The following ETFA variants were observed in gnomAD, a reference collection of about 807,000 sequenced individuals.
ETFA encodes the protein electron transfer flavoprotein subunit alpha, also known as electron transfer flavoprotein subunit alpha, mitochondrial.
ETFA carries 22 observed loss-of-function variants against 46.2 expected under a neutral mutation model. That is an observed-to-expected ratio of 0.48 (90% CI 0.34 to 0.68). ETFA has a LOEUF of 0.68. Among genes scored for constraint, ETFA ranks in the 30% least tolerant of loss-of-function variants. The pLI is 0.01. For synonymous variants in ETFA, 131 were observed against 139.9 expected, an observed-to-expected ratio of 0.94 and a Z score of 0.45; for missense variants, 345 against 401.1, an observed-to-expected ratio of 0.86 and a Z score of 1.19.
intron 9 of ETFA, among the ~76,000 whole-genome samples, chr15:76,235,487 C>T (rs2039113560): frequency 6.6e-6 from 1 of 152,130 alleles, no homozygotes; most frequent in African/African-American, 2.4e-5. Context: ...TACTGGGTGG[C>T]CAGAATCCCC....
intron 9 of ETFA, among the ~76,000 whole-genome samples, chr15:76,272,530 G>T (rs1283148972): frequency 1.3e-5 from 2 of 151,878 alleles, no homozygotes; most frequent in Non-Finnish European, 2.9e-5. Flanking sequence ...TGAATTTCTT[G>T]TAGACATATT....
chr15:76,291,651 G>T (rs1221869827), intron 4 of ETFA, among the ~76,000 whole-genome samples: 1 of 151,916 alleles, frequency 6.6e-6, no homozygotes, highest in Non-Finnish European at 1.5e-5. Context: ...TCGGGAGGCT[G>T]AGGCAGGAGA....
Position 76,272,813 on chromosome 15 carries a change from C to CACATATAT in ETFA, c.816+1598_816+1599insATATATGT, listed in dbSNP as rs1555457982. 2.3e-4 allele frequency among the ~76,000 whole-genome samples: 32 copies of CACATATAT among 137,596 alleles called. No homozygotes were observed. In the South Asian group the frequency reaches 6.7e-3, roughly 29 times the overall value. The allele number at this position is 137,596 out of a possible 152,430, so 90.3% of individuals were successfully genotyped here. On this transcript the variant is annotated intron_variant, in intron 9 of 11. Coordinates refer to ENST00000557943, the MANE Select transcript of ETFA (RefSeq NM_000126.4). ...AAGACCCTGTCTCTTAAAATATATACATATATATATATATATATGCGCATG... is the reference window on the plus strand; with the variant it reads ...AAGACCCTGTCTCTTAAAATATATACACATATATATATATATATATATATATGCGCATG...
intron 1 of ETFA, among the ~76,000 whole-genome samples, chr15:76,305,085 ATTACT>A (rs2039927539): frequency 6.6e-6 from 1 of 152,132 alleles, no homozygotes; most frequent in African/African-American, 2.4e-5. Context: ...CCTCCGCTCT[ATTACT>A]TTATCACTCA....
intron 1 of ETFA, among the ~76,000 whole-genome samples, chr15:76,303,831 T>C (rs971060805): frequency 2.6e-5 from 4 of 152,234 alleles, no homozygotes; most frequent in Admixed American, 6.5e-5. Flanking sequence ...AAAGGAACGC[T>C]TATATACTGC....
chr15:76,261,169 A>T (rs2039408110), intron 9 of ETFA: 2 of 1,533,202 alleles, frequency 1.3e-6, no homozygotes, highest in African/African-American at 2.7e-5. Flanking sequence ...AGGTCCCCCG[A>T]TCTTCGTAGT....
intron 9 of ETFA, among the ~76,000 whole-genome samples, chr15:76,250,701 T>A (rs927775605): frequency 1.4e-5 from 2 of 142,744 alleles, no homozygotes; most frequent in Non-Finnish European, 3.1e-5. Context: ...CCCAACTAAA[T>A]TTTTTTTTTT....
At chr15:76,269,837 T>C (rs2039510375) in intron 9 of ETFA, among the ~76,000 whole-genome samples, 1 of 152,230 alleles carries the variant, frequency 6.6e-6, no homozygotes, top group Non-Finnish European at 1.5e-5. Context: ...GAGAAAATAT[T>C]TGTAAAACCC....
chr15:76,238,669 T>C (rs1322448235), intron 9 of ETFA, among the ~76,000 whole-genome samples: 1 of 152,254 alleles, frequency 6.6e-6, no homozygotes, highest in Non-Finnish European at 1.5e-5. Context: ...ATAATGAATG[T>C]GTCTTTGGGA....
chr15:76,302,874 T>C (rs577294179), intron 1 of ETFA, among the ~76,000 whole-genome samples: 1 of 152,296 alleles, frequency 6.6e-6, no homozygotes, highest in South Asian at 2.1e-4. Flanking sequence ...AGAGACAGTG[T>C]CTTTCTATGT....
intron 9 of ETFA, chr15:76,260,027 C>T: frequency 1.4e-6 from 2 of 1,480,744 alleles, no homozygotes; most frequent in Non-Finnish European, 9.4e-7. Flanking sequence ...TCTTCAATGT[C>T]ACTTGAGGCA....
At chr15:76,296,547 T>C (rs1313545167) in intron 1 of ETFA, among the ~76,000 whole-genome samples, 1 of 152,198 alleles carries the variant, frequency 6.6e-6, no homozygotes, top group Non-Finnish European at 1.5e-5. Context: ...TCAGTCAAAA[T>C]GCATTCAATA....
chr15:76,309,133 C>T lies in ETFA; in HGVS notation c.39+2217G>A, dbSNP rs118083498. 3.3e-3 allele frequency among the ~76,000 whole-genome samples: 510 copies of T among 152,278 alleles called. 4 individuals carry two copies. The highest frequency in any genetic ancestry group is 0.016 in the South Asian group (78 of 4,818). ...TTTTATGCTAGAAATCCAAATCTCT[C>T]CAACATTCTTAATGACTTTAAAACA... On this transcript the variant is annotated intron_variant, in intron 1 of 11. Transcript: ENST00000557943.
chr15:76,249,472 C>T (rs1445563865), intron 9 of ETFA, among the ~76,000 whole-genome samples: 3 of 106,748 alleles, frequency 2.8e-5, no homozygotes, highest in African/African-American at 3.8e-5. Context: ...GATGGAGTCT[C>T]GTTCTGTCGC....
intron 9 of ETFA, among the ~76,000 whole-genome samples, chr15:76,270,693 T>G (rs904563181): frequency 6.6e-6 from 1 of 152,150 alleles, no homozygotes; most frequent in Non-Finnish European, 1.5e-5. Flanking sequence ...GAACATCTTG[T>G]CTTGTCAGGA....
At chr15:76,281,725 T>C (rs1450129302) in intron 8 of ETFA, among the ~76,000 whole-genome samples, 1 of 151,826 alleles carries the variant, frequency 6.6e-6, no homozygotes, top group African/African-American at 2.4e-5. Context: ...TCTATGGTGT[T>C]AAGTGTCTGT....
chr15:76,292,586 G>A, intron 3 of ETFA, 33 bp downstream of exon 3: 1 of 1,587,258 alleles, frequency 6.3e-7, no homozygotes, highest in East Asian at 2.2e-5. Flanking sequence ...GCGTAATTTA[G>A]ACACTACATT....
At chr15:76,297,415 A>G (rs1237042256) in intron 1 of ETFA, among the ~76,000 whole-genome samples, 1 of 151,538 alleles carries the variant, frequency 6.6e-6, no homozygotes, top group Non-Finnish European at 1.5e-5. Context: ...AATTTAAATT[A>G]TTTAAATCAC....
At chr15:76,293,951 G>A (rs1463864377) in intron 2 of ETFA, among the ~76,000 whole-genome samples, 2 of 151,964 alleles carry the variant, frequency 1.3e-5, no homozygotes, top group Non-Finnish European at 2.9e-5. Flanking sequence ...ATAGAAAATG[G>A]GGCAGAATTT....
Sources: gnomAD v4.1 joint callset for allele counts (sites outside exome capture counted in the v4.1 genomes callset) on GRCh38, gnomAD v4.1.1 for gene constraint, MANE v1.5 for transcripts, NCBI Gene and HGNC (gene_info 2026-07-23, HGNC 2026-07-21) for gene names.